VWA8: variants seen among roughly 807,000 people sequenced by gnomAD.
VWA8 encodes von Willebrand factor A domain containing 8.
VWA8 carries 221 observed loss-of-function variants against 241.5 expected under a neutral mutation model. The observed-to-expected ratio is 0.91, with a 90% CI of 0.82 to 1.02. The LOEUF is 1.02. Among genes scored for constraint, VWA8 ranks in the 50% least tolerant of loss-of-function variants. The pLI, the probability that VWA8 is intolerant of heterozygous loss-of-function variation, is 0.00. For missense variants in VWA8, 2,322 were observed against 2,328.7 expected (o/e 1.00, Z 0.06); for synonymous variants, 852 against 827.1 (o/e 1.03, Z -0.52).
chr13:41,806,001 T>TAA (rs60826821), intron 17 of VWA8, among the ~76,000 whole-genome samples: 36,017 of 118,100 alleles, frequency 0.3, 4,799 homozygotes, highest in East Asian at 0.47. Flanking sequence ...AATTCAAAAA[T>TAA]AAAAAAAAAA....
intron 4 of VWA8, among the ~76,000 whole-genome samples, chr13:41,903,931 A>G (rs2138102024): frequency 6.6e-6 from 1 of 152,324 alleles, no homozygotes; most frequent in East Asian, 1.9e-4. Flanking sequence ...AAGGACTAAC[A>G]TTCCTGCACC....
At chr13:41,747,809 G>T (rs558139803) in intron 21 of VWA8, among the ~76,000 whole-genome samples, 3 of 152,128 alleles carry the variant, frequency 2.0e-5, no homozygotes, top group Non-Finnish European at 2.9e-5. Flanking sequence ...TAGCATGAAG[G>T]GTTGTTGAAT....
At chr13:41,588,263 C>T (rs899907558) in intron 41 of VWA8, among the ~76,000 whole-genome samples, 1 of 152,212 alleles carries the variant, frequency 6.6e-6, no homozygotes, top group Non-Finnish European at 1.5e-5. Flanking sequence ...TTCCACATTA[C>T]TGAATTAGTG....
Position 41,712,712 on chromosome 13 carries a change from T to G in VWA8, c.3116+6879A>C, listed in dbSNP as rs149043619. Among the ~76,000 whole-genome samples, 100 of 152,366 alleles carry G rather than the reference T, an allele frequency of 6.6e-4. 4 individuals are homozygous for G. In the East Asian group the frequency reaches 0.018, roughly 27 times the overall value. Reference sequence around the variant, plus strand: ...GTTGAATGCCCCGTTCTATCACTTATTGGTTGTAGAATTTATTTAAGGTCT... The same window carrying G: ...GTTGAATGCCCCGTTCTATCACTTAGTGGTTGTAGAATTTATTTAAGGTCT... On this transcript the variant is annotated intron_variant, in intron 26 of 44. Transcript: ENST00000379310.
At chr13:41,643,293 C>G (rs1332909321) in intron 37 of VWA8, among the ~76,000 whole-genome samples, 1 of 152,142 alleles carries the variant, frequency 6.6e-6, no homozygotes. Context: ...TTTCCTTTCT[C>G]TATTTAGGGG....
intron 37 of VWA8, among the ~76,000 whole-genome samples, chr13:41,668,245 T>A (rs914848383): frequency 6.6e-6 from 1 of 152,166 alleles, no homozygotes; most frequent in Non-Finnish European, 1.5e-5. Context: ...AAGGCGCCTA[T>A]CTTGCTCAAC....
chr13:41,734,956 C>G (rs1399666613), intron 21 of VWA8, among the ~76,000 whole-genome samples: 2 of 152,148 alleles, frequency 1.3e-5, no homozygotes, highest in Non-Finnish European at 2.9e-5. Context: ...TGTCATATAT[C>G]TATTTTCTGT....
At chr13:41,592,634 G>C (rs1276307850) in intron 40 of VWA8, among the ~76,000 whole-genome samples, 1 of 139,810 alleles carries the variant, frequency 7.2e-6, no homozygotes, top group African/African-American at 2.7e-5. Flanking sequence ...CTTTTCAATA[G>C]TTTCCATTTC....
chr13:41,778,702 A>G (rs1317735656), intron 19 of VWA8, among the ~76,000 whole-genome samples: 2 of 152,082 alleles, frequency 1.3e-5, no homozygotes, highest in Non-Finnish European at 2.9e-5. Flanking sequence ...TATTCCTATT[A>G]CTTTCTCTTG....
chr13:41,811,091 G>A, intron 17 of VWA8, 134 bp downstream of exon 17: 7 of 691,650 alleles, frequency 1.0e-5, no homozygotes, highest in Non-Finnish European at 7.1e-6. Context: ...AATCAGTGAA[G>A]GCAAGGCTGA....
chr13:41,590,498 C>CTT (rs5803096), intron 41 of VWA8, 142 bp downstream of exon 41: 280 of 654,118 alleles, frequency 4.3e-4, no homozygotes, highest in Admixed American at 8.1e-4. Flanking sequence ...TCTTCTTCTT[C>CTT]TTTTTTTTTT....
chr13:41,583,816 G>A (rs1344509421), intron 42 of VWA8, among the ~76,000 whole-genome samples: 2 of 152,110 alleles, frequency 1.3e-5, no homozygotes, highest in Admixed American at 6.5e-5. Context: ...TGGATCCTAG[G>A]TGGACAGCAG....
intron 9 of VWA8, among the ~76,000 whole-genome samples, chr13:41,869,514 CCCAGCTACTTG>C (rs1325935677): frequency 6.6e-6 from 1 of 151,594 alleles, no homozygotes; most frequent in African/African-American, 2.4e-5. Flanking sequence ...CACCTGTAGT[CCCAGCTACTTG>C]GGAGGCTGAG....
chr13:41,732,283 C>T, intron 21 of VWA8, 128 bp from the exon 22 acceptor site: 1 of 568,856 alleles, frequency 1.8e-6, no homozygotes, highest in East Asian at 3.3e-5. Context: ...CTTCCCCCAC[C>T]AAAAAAAAAC....
intron 35 of VWA8, among the ~76,000 whole-genome samples, chr13:41,676,821 C>T (rs12874138): frequency 2.4e-3 from 361 of 151,938 alleles, no homozygotes; most frequent in Middle Eastern, 6.8e-3. Context: ...TTAGTAGAGA[C>T]GGGGTTTCAC....
chr13:41,913,815 C>T (rs1441078530), intron 2 of VWA8, among the ~76,000 whole-genome samples: 1 of 152,206 alleles, frequency 6.6e-6, no homozygotes, highest in African/African-American at 2.4e-5. Context: ...TGTTTGGTTT[C>T]TCTCTTGTTT....
intron 20 of VWA8, among the ~76,000 whole-genome samples, chr13:41,770,462 A>C (rs1346532942): frequency 2.6e-5 from 4 of 151,300 alleles, no homozygotes; most frequent in Admixed American, 2.6e-4. Flanking sequence ...AAAAAAGAAA[A>C]GAAACTGTAG....
At chr13:41,669,795 C>T (rs1389446818) in intron 37 of VWA8, among the ~76,000 whole-genome samples, 4 of 152,090 alleles carry the variant, frequency 2.6e-5, no homozygotes, top group Non-Finnish European at 5.9e-5. Context: ...ATGAAACAGA[C>T]CATAATTAAT....
intron 26 of VWA8, among the ~76,000 whole-genome samples, chr13:41,717,904 T>C (rs1348755372): frequency 1.3e-5 from 2 of 152,074 alleles, no homozygotes; most frequent in African/African-American, 2.4e-5. Context: ...GACCAACTTG[T>C]TTCCAGGCTC....
Sources: allele counts gnomAD v4.1 joint callset (sites outside exome capture counted in the v4.1 genomes callset), GRCh38; gene constraint gnomAD v4.1.1; transcripts MANE v1.5; gene names NCBI Gene and HGNC (gene_info 2026-07-23, HGNC 2026-07-21).